NRXN1: variants seen among roughly 807,000 people sequenced by gnomAD.
NRXN1 encodes the protein neurexin 1.
A neutral mutation model predicts 150.9 loss-of-function variants in NRXN1; 39 were observed. The ratio of observed to expected loss-of-function variants is 0.26; its 90% CI spans 0.20 to 0.34. The LOEUF (loss-of-function observed/expected upper bound fraction) is 0.34, where lower values mean the gene tolerates loss of function less well. Among genes scored for constraint, NRXN1 ranks in the 10% least tolerant of loss-of-function variants. NRXN1 has a pLI of 1.00. For synonymous variants in NRXN1, 924 were observed against 757.0 expected (o/e 1.22, Z -3.62); for missense variants, 1,815 against 1,949.9 (o/e 0.93, Z 1.30).
chr2:50,611,143 G>GTGC (rs3053108), intron 8 of NRXN1, among the ~76,000 whole-genome samples: 73,531 of 150,822 alleles, frequency 0.49, 19,672 homozygotes, highest in South Asian at 0.69. Flanking sequence ...GCTCTGGTAG[G>GTGC]TGCTGAAATT....
chr2:49,983,285 AG>A (rs1680292737), intron 21 of NRXN1, among the ~76,000 whole-genome samples: 1 of 152,182 alleles, frequency 6.6e-6, no homozygotes, highest in Non-Finnish European at 1.5e-5. Context: ...CTTCTAGCAC[AG>A]GGGCTGGTTA....
At chr2:50,972,377 T>G (rs1199140250) in intron 2 of NRXN1, among the ~76,000 whole-genome samples, 1 of 152,160 alleles carries the variant, frequency 6.6e-6, no homozygotes, top group Non-Finnish European at 1.5e-5. Flanking sequence ...ATATGCCACT[T>G]TGTGGGAAGT....
chr2:50,429,433 T>A (rs1208767362), intron 17 of NRXN1, among the ~76,000 whole-genome samples: 3 of 151,878 alleles, frequency 2.0e-5, no homozygotes, highest in African/African-American at 7.3e-5. Context: ...ATTTTGGTAT[T>A]TTTAGTAGGG....
At chr2:50,343,225 C>G (rs147469581) in intron 17 of NRXN1, among the ~76,000 whole-genome samples, 1 of 152,208 alleles carries the variant, frequency 6.6e-6, no homozygotes, top group East Asian at 1.9e-4. Flanking sequence ...TATTGAGAGA[C>G]TCTAAGCTAA....
rs1238948617 is a variant in NRXN1, at chr2:49,919,653, G to A, written c.*2291C>T. 2 of 151,656 alleles carry A rather than the reference G, an allele frequency of 1.3e-5. No homozygotes were observed. Among genetic ancestry groups the A allele is most frequent in the Admixed American group, 1.3e-4 (2 of 15,232 alleles). The allele number at this position is 151,656 out of a possible 1,614,324, so 9.4% of individuals were successfully genotyped here. A position where few individuals can be genotyped will look rare whatever the true frequency, so the allele number is the denominator to read the frequency against. On this transcript the variant is annotated 3_prime_UTR_variant, in exon 23 of 23. Coordinates refer to ENST00000401669, the MANE Select transcript of NRXN1 (RefSeq NM_001330078.2). ...CTGAGTAAGACTGAATGAGACGGGG[G>A]AAAAGAAAAGACTCGTGAATTATTT...
chr2:50,376,965 T>C (rs967214104), intron 17 of NRXN1, among the ~76,000 whole-genome samples: 1 of 151,156 alleles, frequency 6.6e-6, no homozygotes, highest in African/African-American at 2.4e-5. Context: ...TTCTTTTCTT[T>C]TTTTTTTTAA....
intron 5 of NRXN1, among the ~76,000 whole-genome samples, chr2:50,632,196 A>T (rs1682456104): frequency 6.6e-6 from 1 of 152,034 alleles, no homozygotes; most frequent in African/African-American, 2.4e-5. Context: ...CTATTTAACC[A>T]AACCCCAAAG....
intron 5 of NRXN1, among the ~76,000 whole-genome samples, chr2:50,675,046 C>A (rs894592079): frequency 2.0e-5 from 3 of 151,832 alleles, no homozygotes; most frequent in African/African-American, 7.3e-5. Flanking sequence ...CACCTCTTCC[C>A]TCTCGCTCCT....
chr2:50,397,526 G>C (rs544984831), intron 17 of NRXN1, among the ~76,000 whole-genome samples: 1 of 152,206 alleles, frequency 6.6e-6, no homozygotes, highest in South Asian at 2.1e-4. Flanking sequence ...CTATTATTAA[G>C]TCCATGTTAC....
chr2:50,216,217 T>A (rs371039388), intron 18 of NRXN1, among the ~76,000 whole-genome samples: 1 of 151,994 alleles, frequency 6.6e-6, no homozygotes, highest in Non-Finnish European at 1.5e-5. Flanking sequence ...CAGAACTCCA[T>A]CTCAAAAATA....
intron 17 of NRXN1, among the ~76,000 whole-genome samples, chr2:50,285,830 T>A (rs2072082549): frequency 6.6e-6 from 1 of 151,382 alleles, no homozygotes; most frequent in Non-Finnish European, 1.5e-5. Flanking sequence ...ATAAACGGAG[T>A]TTCATTTGAC....
chr2:50,554,672 A>G (rs1306425558), intron 8 of NRXN1, among the ~76,000 whole-genome samples: 1 of 152,196 alleles, frequency 6.6e-6, no homozygotes, highest in African/African-American at 2.4e-5. Context: ...ATAGACACAG[A>G]TTTTAATTCT....
chr2:50,914,997 A>T (rs1685014882), intron 5 of NRXN1, among the ~76,000 whole-genome samples: 1 of 151,500 alleles, frequency 6.6e-6, no homozygotes, highest in Non-Finnish European at 1.5e-5. Context: ...ATAAATGAGA[A>T]TTTTTTTAAA....
intron 15 of NRXN1, among the ~76,000 whole-genome samples, chr2:50,472,821 G>A (rs2089640315): frequency 7.4e-6 from 1 of 134,568 alleles, no homozygotes; most frequent in Non-Finnish European, 1.7e-5. Context: ...GTGTGTGTGT[G>A]TGTGTGTGTA....
intron 21 of NRXN1, chr2:49,973,647 G>A: frequency 2.9e-6 from 1 of 347,554 alleles, no homozygotes; most frequent in Non-Finnish European, 5.3e-6. Context: ...ACAGACACAA[G>A]TTTTGGTTGT....
chr2:50,827,647 TCA>T (rs1670643425), intron 5 of NRXN1, among the ~76,000 whole-genome samples: 1 of 152,198 alleles, frequency 6.6e-6, no homozygotes, highest in Non-Finnish European at 1.5e-5. Flanking sequence ...TGGATGTTTC[TCA>T]CAGAGGGGGA....
chr2:50,204,079 C>A (rs1050722408), intron 18 of NRXN1, among the ~76,000 whole-genome samples: 3 of 151,888 alleles, frequency 2.0e-5, no homozygotes, highest in African/African-American at 7.3e-5. Context: ...TAAAATAAAC[C>A]CACCATGGAA....
intron 18 of NRXN1, among the ~76,000 whole-genome samples, chr2:50,138,741 T>C (rs1409565341): frequency 6.6e-6 from 1 of 152,226 alleles, no homozygotes; most frequent in Non-Finnish European, 1.5e-5. Flanking sequence ...CCTCTGATTA[T>C]TAGTCTTGAA....
At chr2:50,807,409 T>C (rs1463448354) in intron 5 of NRXN1, among the ~76,000 whole-genome samples, 1 of 152,082 alleles carries the variant, frequency 6.6e-6, no homozygotes, top group Non-Finnish European at 1.5e-5. Context: ...CAAAAGAGAT[T>C]ATAACTCTTT....
Sources: gnomAD v4.1 joint callset for allele counts (sites outside exome capture counted in the v4.1 genomes callset) on GRCh38, gnomAD v4.1.1 for gene constraint, MANE v1.5 for transcripts, NCBI Gene and HGNC (gene_info 2026-07-23, HGNC 2026-07-21) for gene names.